ZNRF1: variants seen among roughly 807,000 people sequenced by gnomAD.
ZNRF1 encodes the protein zinc and ring finger 1.
Under a neutral mutation model 18.4 loss-of-function variants are expected in ZNRF1, and 3 were observed. That is an observed-to-expected ratio of 0.16 (90% CI 0.07 to 0.42). The LOEUF (loss-of-function observed/expected upper bound fraction) is 0.42, where lower values mean the gene tolerates loss of function less well. Among genes scored for constraint, ZNRF1 ranks in the 10% least tolerant of loss-of-function variants. The pLI is 0.99. For missense variants in ZNRF1, 310 were observed against 329.8 expected (o/e 0.94, Z 0.47); for synonymous variants, 157 against 144.2 (o/e 1.09, Z -0.64).
At chr16:75,073,740 C>T (rs918112630) in intron 1 of ZNRF1, among the ~76,000 whole-genome samples, 2 of 152,036 alleles carry the variant, frequency 1.3e-5, no homozygotes, top group Non-Finnish European at 1.5e-5. Context: ...GGGGACCTTG[C>T]CCGTTCCCCT....
In ZNRF1 at chr16:75,042,252, C is replaced by G. The variant is rs1010982790; in HGVS notation, c.424+42157C>G. On this transcript the variant is annotated intron_variant, in intron 1 of 4. Transcript: ENST00000335325. ...AGCAAACATTTTTAATTTTGGTTGTCTAATTTATCAATTTTTTGCTTTTAT... is the reference window on the plus strand; with the variant it reads ...AGCAAACATTTTTAATTTTGGTTGTGTAATTTATCAATTTTTTGCTTTTAT... 1.1e-3 allele frequency among the ~76,000 whole-genome samples: 163 copies of G among 152,118 alleles called. 2 individuals carry two copies. Among genetic ancestry groups the G allele is most frequent in the African/African-American group, 3.5e-3 (147 of 41,526 alleles).
intron 1 of ZNRF1, among the ~76,000 whole-genome samples, chr16:75,016,602 C>T (rs891318502): frequency 6.6e-6 from 1 of 151,816 alleles, no homozygotes; most frequent in Non-Finnish European, 1.5e-5. Flanking sequence ...GTGGCCTGAT[C>T]TCGACTGACT....
intron 1 of ZNRF1, among the ~76,000 whole-genome samples, chr16:75,007,828 T>C (rs1040484007): frequency 6.6e-6 from 1 of 152,180 alleles, no homozygotes; most frequent in Non-Finnish European, 1.5e-5. Flanking sequence ...TTGAATCCTT[T>C]TTTGGTGTAT....
At chr16:75,094,594 T>G (rs1356068183) in intron 2 of ZNRF1, among the ~76,000 whole-genome samples, 1 of 152,180 alleles carries the variant, frequency 6.6e-6, no homozygotes, top group Non-Finnish European at 1.5e-5. Flanking sequence ...GGGTAAGAGA[T>G]GGCACATAAA....
At chr16:75,047,146 A>G (rs1187441529) in intron 1 of ZNRF1, among the ~76,000 whole-genome samples, 1 of 152,114 alleles carries the variant, frequency 6.6e-6, no homozygotes, top group African/African-American at 2.4e-5. Flanking sequence ...TGTTCCCTTA[A>G]TATGTGGATA....
chr16:75,098,724 T>C (rs1392143049), intron 2 of ZNRF1, among the ~76,000 whole-genome samples: 1 of 152,182 alleles, frequency 6.6e-6, no homozygotes, highest in Non-Finnish European at 1.5e-5. Flanking sequence ...GACTCCCACC[T>C]TCCTTCTCTC....
chr16:75,048,037 A>C (rs1415513594), intron 1 of ZNRF1, among the ~76,000 whole-genome samples: 1 of 151,566 alleles, frequency 6.6e-6, no homozygotes, highest in East Asian at 1.9e-4. Flanking sequence ...CTATAGCCTC[A>C]ACCTCCCCAG....
chr16:75,027,552 C>G (rs1160909578), intron 1 of ZNRF1, among the ~76,000 whole-genome samples: 1 of 152,126 alleles, frequency 6.6e-6, no homozygotes, highest in African/African-American at 2.4e-5. Flanking sequence ...GCCCATTGAA[C>G]CTATTTTCTT....
chr16:75,074,289 A>G (rs2145404296), intron 1 of ZNRF1, among the ~76,000 whole-genome samples: 1 of 152,192 alleles, frequency 6.6e-6, no homozygotes, highest in East Asian at 1.9e-4. Context: ...CCCCATCCCT[A>G]AGCTGGGGTC....
chr16:75,008,319 G>A (rs763547811), intron 1 of ZNRF1, among the ~76,000 whole-genome samples: 2 of 152,084 alleles, frequency 1.3e-5, no homozygotes, highest in Non-Finnish European at 2.9e-5. Flanking sequence ...CTACATATAG[G>A]GCCAAGCCAA....
At chr16:75,011,237 T>C (rs996566112) in intron 1 of ZNRF1, among the ~76,000 whole-genome samples, 1 of 152,190 alleles carries the variant, frequency 6.6e-6, no homozygotes, top group African/African-American at 2.4e-5. Context: ...CCTACAAGGA[T>C]TTGAGGGAGC....
intron 1 of ZNRF1, among the ~76,000 whole-genome samples, chr16:75,042,895 TG>T (rs1396580972): frequency 1.3e-5 from 2 of 152,188 alleles, no homozygotes; most frequent in Non-Finnish European, 2.9e-5. Flanking sequence ...CACCAATGCT[TG>T]ATGTATTAGC....
intron 1 of ZNRF1, among the ~76,000 whole-genome samples, chr16:75,071,098 C>CTTTTT (rs56690008): frequency 3.5e-5 from 5 of 143,466 alleles, no homozygotes; most frequent in Admixed American, 7.0e-5. Context: ...GCACAGGTGT[C>CTTTTT]TTTTTTTTTT....
At chr16:75,078,514 G>C (rs977466030) in intron 1 of ZNRF1, among the ~76,000 whole-genome samples, 4 of 151,942 alleles carry the variant, frequency 2.6e-5, no homozygotes, top group Non-Finnish European at 5.9e-5. Context: ...GGTCAGGCTG[G>C]TCTCGAACTC....
intron 1 of ZNRF1, among the ~76,000 whole-genome samples, chr16:75,075,130 C>G (rs112528623): frequency 2.6e-5 from 4 of 152,236 alleles, no homozygotes; most frequent in African/African-American, 9.6e-5. Flanking sequence ...AGAGGCTCCT[C>G]CTACTCTTCA....
intron 2 of ZNRF1, among the ~76,000 whole-genome samples, chr16:75,099,703 G>C (rs903052547): frequency 6.6e-6 from 1 of 152,190 alleles, no homozygotes; most frequent in Non-Finnish European, 1.5e-5. Flanking sequence ...GATACCAGGG[G>C]ACATTTGACT....
At chr16:75,000,657 A>G (rs1051305479) in intron 1 of ZNRF1, among the ~76,000 whole-genome samples, 3 of 152,226 alleles carry the variant, frequency 2.0e-5, no homozygotes, top group Non-Finnish European at 2.9e-5. Flanking sequence ...GGCGGCTGGC[A>G]TAGACAGGTG....
intron 1 of ZNRF1, among the ~76,000 whole-genome samples, chr16:75,007,247 G>T (rs896007110): frequency 2.0e-5 from 3 of 151,586 alleles, no homozygotes; most frequent in East Asian, 1.9e-4. Flanking sequence ...TGTAGATGGG[G>T]TCTCCATTTG....
In ZNRF1 at chr16:75,037,409, C is replaced by T. The variant is rs1033817906; in HGVS notation, c.424+37314C>T. ...TGTCACCCAGGATGGAGGACAGTGG[C>T]GCAATCTAGTCTCTGCCTCCTGGGT... is the stretch of plus-strand genomic sequence containing the variant. On this transcript the variant is annotated intron_variant, in intron 1 of 4. Coordinates refer to ENST00000335325, the MANE Select transcript of ZNRF1 (RefSeq NM_032268.5). Among the ~76,000 whole-genome samples, 6 of 152,240 alleles carry T rather than the reference C, an allele frequency of 3.9e-5. No homozygotes were observed. In the South Asian group the frequency reaches 1.0e-3, roughly 26 times the overall value.
Sources: gnomAD v4.1 joint callset for allele counts (sites outside exome capture counted in the v4.1 genomes callset) on GRCh38, gnomAD v4.1.1 for gene constraint, MANE v1.5 for transcripts, NCBI Gene and HGNC (gene_info 2026-07-23, HGNC 2026-07-21) for gene names.